Variants in GRIP1 observed in about 807,000 individuals in gnomAD.
The protein encoded by GRIP1 is glutamate receptor-interacting protein 1.
A neutral mutation model predicts 129.9 loss-of-function variants in GRIP1; 45 were observed. That is an observed-to-expected ratio of 0.35 (90% confidence interval 0.27 to 0.44). GRIP1 has a LOEUF of 0.44. Among genes scored for constraint, GRIP1 ranks in the 20% least tolerant of loss-of-function variants. The pLI, the probability that GRIP1 is intolerant of heterozygous loss-of-function variation, is 1.00. For synonymous variants in GRIP1, 530 were observed against 520.8 expected, an observed-to-expected ratio of 1.02 and a Z score of -0.24; for missense variants, 1,196 against 1,396.8, an observed-to-expected ratio of 0.86 and a Z score of 2.29.
At chr12:66,383,977 A>G (rs2056241158) in intron 19 of GRIP1, among the ~76,000 whole-genome samples, 1 of 152,202 alleles carries the variant, frequency 6.6e-6, no homozygotes, top group Non-Finnish European at 1.5e-5. Context: ...GACCCCAAGG[A>G]TGAAAGTCAA....
intron 2 of GRIP1, 88 bp from the exon 3 acceptor site, chr12:66,542,038 CT>C: frequency 8.1e-7 from 1 of 1,230,570 alleles, no homozygotes; most frequent in Non-Finnish European, 1.2e-6. Flanking sequence ...TCCACTTTTT[CT>C]TTTATGAGAA....
intron 1 of GRIP1, among the ~76,000 whole-genome samples, chr12:66,906,968 T>C (rs973272653): frequency 7.9e-5 from 12 of 152,348 alleles, no homozygotes; most frequent in Admixed American, 5.2e-4. Flanking sequence ...AACTAAGGAA[T>C]TGACCTTGGT....
rs188829323 is a variant in GRIP1, at chr12:66,904,631, G to A, written c.58+164419C>T. On this transcript the variant is annotated intron_variant, in intron 1 of 1. Transcript: ENST00000643019. The stretch of plus-strand genomic sequence containing the variant: ...GATTGGGCTGGGAGCAGTGGCTCAC[G>A]CCTGCAATCCCAGCATTTTGGGAGG... Among the ~76,000 whole-genome samples the A allele has an allele frequency of 1.4e-3, 217 of 152,264 alleles. 1 individual carries two copies. The highest frequency in any genetic ancestry group is 3.7e-3 in the Admixed American group (56 of 15,306).
At chr12:66,535,237 T>G (rs1470280850) in intron 4 of GRIP1, among the ~76,000 whole-genome samples, 1 of 152,192 alleles carries the variant, frequency 6.6e-6, no homozygotes, top group Non-Finnish European at 1.5e-5. Context: ...TTTATTGATA[T>G]TCATATCCCC....
chr12:66,824,226 C>T (rs1210692928), intron 1 of GRIP1, among the ~76,000 whole-genome samples: 1 of 152,138 alleles, frequency 6.6e-6, no homozygotes, highest in Non-Finnish European at 1.5e-5. Flanking sequence ...AAAAATCAGA[C>T]ATACTAACAA....
chr12:66,959,813 T>C (rs2041896438), intron 1 of GRIP1, among the ~76,000 whole-genome samples: 1 of 152,142 alleles, frequency 6.6e-6, no homozygotes, highest in African/African-American at 2.4e-5. Flanking sequence ...AGTATGTACA[T>C]AGATATTCAT....
At chr12:66,923,012 C>A (rs552555215) in intron 1 of GRIP1, among the ~76,000 whole-genome samples, 1 of 152,250 alleles carries the variant, frequency 6.6e-6, no homozygotes, top group Admixed American at 6.5e-5. Context: ...TAAAGCTGAG[C>A]CACTGATGAC....
intron 11 of GRIP1, among the ~76,000 whole-genome samples, chr12:66,446,103 C>A (rs151281732): frequency 1.3e-5 from 2 of 150,710 alleles, no homozygotes; most frequent in Non-Finnish European, 3.0e-5. Flanking sequence ...TGCCGCCCCC[C>A]ACCACCACCC....
intron 1 of GRIP1, among the ~76,000 whole-genome samples, chr12:67,028,580 G>A (rs1201601255): frequency 6.6e-6 from 1 of 152,186 alleles, no homozygotes; most frequent in African/African-American, 2.4e-5. Flanking sequence ...TTTATGAATA[G>A]TTTTAAGAAT....
intron 7 of GRIP1, among the ~76,000 whole-genome samples, chr12:66,514,416 G>C (rs1205141277): frequency 1.3e-5 from 2 of 152,048 alleles, no homozygotes; most frequent in Non-Finnish European, 2.9e-5. Context: ...ATAAGGCACA[G>C]GGAAATCAAA....
chr12:66,464,041 A>G (rs562828772), intron 8 of GRIP1, among the ~76,000 whole-genome samples: 2 of 152,188 alleles, frequency 1.3e-5, no homozygotes, highest in Non-Finnish European at 2.9e-5. Flanking sequence ...TCACTGCACC[A>G]TGGCTGGAGG....
At chr12:66,404,886 G>A (rs978891907) in intron 16 of GRIP1, among the ~76,000 whole-genome samples, 1 of 152,070 alleles carries the variant, frequency 6.6e-6, no homozygotes, top group Non-Finnish European at 1.5e-5. Context: ...ACAACAATTA[G>A]CCAGGAAAGG....
At chr12:66,660,524 T>C (rs1405573959) in intron 1 of GRIP1, among the ~76,000 whole-genome samples, 1 of 152,164 alleles carries the variant, frequency 6.6e-6, no homozygotes, top group Non-Finnish European at 1.5e-5. Flanking sequence ...TTAAACAAGA[T>C]TTGTATTGTA....
intron 1 of GRIP1, among the ~76,000 whole-genome samples, chr12:67,021,495 A>G (rs1401031169): frequency 1.3e-5 from 2 of 152,186 alleles, no homozygotes; most frequent in Non-Finnish European, 2.9e-5. Context: ...GTATGGATAT[A>G]CTACAATTTA....
rs182464500 is a variant in GRIP1, at chr12:66,637,746, G to A, written c.56-40819C>T. Among the ~76,000 whole-genome samples the A allele has an allele frequency of 9.3e-4, 141 of 152,086 alleles. 3 individuals are homozygous for A. The East Asian group carries it at 0.021, about 23-fold the overall frequency. On this transcript the variant is annotated intron_variant, in intron 1 of 24. Coordinates refer to ENST00000359742, the MANE Select transcript of GRIP1 (RefSeq NM_001366722.1). ...AGTCCTCCTAGTCTTGCTCAGCTCCGTTACACAATTTTCCAGCATATCTGT... is the reference window on the plus strand; with the variant it reads ...AGTCCTCCTAGTCTTGCTCAGCTCCATTACACAATTTTCCAGCATATCTGT...
chr12:66,959,012 C>G (rs1191771821), intron 1 of GRIP1, among the ~76,000 whole-genome samples: 2 of 152,114 alleles, frequency 1.3e-5, no homozygotes, highest in Admixed American at 1.3e-4. Flanking sequence ...TAATTTATTC[C>G]TAGATGGATG....
At chr12:66,626,085 G>A (rs2029989636) in intron 1 of GRIP1, among the ~76,000 whole-genome samples, 1 of 152,084 alleles carries the variant, frequency 6.6e-6, no homozygotes, top group Admixed American at 6.6e-5. Flanking sequence ...TTCACTTTGG[G>A]AGGCCGACGT....
chr12:66,579,148 AG>A (rs1193702854), intron 2 of GRIP1, among the ~76,000 whole-genome samples: 1 of 152,224 alleles, frequency 6.6e-6, no homozygotes, highest in Non-Finnish European at 1.5e-5. Flanking sequence ...CCAGGCAAAC[AG>A]GGTCTGGAGT....
intron 1 of GRIP1, among the ~76,000 whole-genome samples, chr12:66,785,524 G>C (rs2038312828): frequency 6.6e-6 from 1 of 151,240 alleles, no homozygotes. Flanking sequence ...AAAGAAAAAG[G>C]TTGAGGCGAT....
Sources: gnomAD v4.1 joint callset for allele counts (sites outside exome capture counted in the v4.1 genomes callset) on GRCh38, gnomAD v4.1.1 for gene constraint, MANE v1.5 for transcripts, NCBI Gene and HGNC (gene_info 2026-07-23, HGNC 2026-07-21) for gene names.